Variants in CRPPA observed in about 807,000 individuals in gnomAD.
CRPPA encodes D-ribitol-5-phosphate cytidylyltransferase.
A neutral mutation model predicts 52.0 loss-of-function variants in CRPPA; 43 were observed. The ratio of observed to expected loss-of-function variants is 0.83; its 90% CI spans 0.65 to 1.07. CRPPA has a LOEUF of 1.07. Ranked by LOEUF, CRPPA falls within the 50% of genes least tolerant of loss-of-function variation. The pLI, the probability that CRPPA is intolerant of heterozygous loss-of-function variation, is 0.00. For missense variants in CRPPA, 629 were observed against 551.7 expected (o/e 1.14, Z -1.40); for synonymous variants, 250 against 203.5 (o/e 1.23, Z -1.94).
chr7:16,146,895 G>T (rs961507342), intron 9 of CRPPA, among the ~76,000 whole-genome samples: 1 of 152,172 alleles, frequency 6.6e-6, no homozygotes, highest in Non-Finnish European at 1.5e-5. Context: ...ACAAATTGCA[G>T]TAGTAAGTTC....
chr7:16,286,097 A>AAAAAAAAT lies in CRPPA; in HGVS notation c.836-7872_836-7871insATTTTTTT. On this transcript the variant is annotated intron_variant, in intron 5 of 9. Coordinates refer to ENST00000407010, the MANE Select transcript of CRPPA (RefSeq NM_001101426.4). ...TATATATATAATATTTAAAAAAAAA[A>AAAAAAAAT]ATATATATATATATATATATGCCAA... is the stretch of plus-strand genomic sequence containing the variant. Among the ~76,000 whole-genome samples the AAAAAAAAT allele has an allele frequency of 1.5e-4, 6 of 39,130 alleles. 1 individual carries two copies. Among genetic ancestry groups the AAAAAAAAT allele is most frequent in the African/African-American group, 9.2e-4 (5 of 5,444 alleles). The allele number at this position is 39,130 out of a possible 152,430, so 25.7% of individuals were successfully genotyped here. A position where few individuals can be genotyped will look rare whatever the true frequency, so the allele number is the denominator to read the frequency against.
chr7:16,233,689 C>T (rs910121786), intron 8 of CRPPA, among the ~76,000 whole-genome samples: 1 of 152,130 alleles, frequency 6.6e-6, no homozygotes. Flanking sequence ...AGCAAGGGAG[C>T]ATCTGTTTGG....
intron 9 of CRPPA, among the ~76,000 whole-genome samples, chr7:16,099,830 A>C (rs574652563): frequency 1.3e-5 from 2 of 152,334 alleles, no homozygotes; most frequent in South Asian, 2.1e-4. Flanking sequence ...GTCATATACA[A>C]CATCCTTTTT....
intron 9 of CRPPA, among the ~76,000 whole-genome samples, chr7:16,167,819 T>C (rs1370124931): frequency 6.6e-6 from 1 of 152,260 alleles, no homozygotes; most frequent in Non-Finnish European, 1.5e-5. Context: ...TATCAATCTA[T>C]TCTTAACGAA....
At chr7:16,194,267 A>C (rs1424168312) in intron 9 of CRPPA, among the ~76,000 whole-genome samples, 1 of 152,152 alleles carries the variant, frequency 6.6e-6, no homozygotes, top group Non-Finnish European at 1.5e-5. Flanking sequence ...TAGAACACTG[A>C]AAGATAAGGT....
At chr7:16,190,093 A>G (rs1781577386) in intron 9 of CRPPA, among the ~76,000 whole-genome samples, 1 of 152,148 alleles carries the variant, frequency 6.6e-6, no homozygotes, top group Non-Finnish European at 1.5e-5. Context: ...CAAACACAAA[A>G]GGCTACACTT....
chr7:16,226,860 G>C (rs369382552), intron 8 of CRPPA, among the ~76,000 whole-genome samples: 2 of 151,808 alleles, frequency 1.3e-5, no homozygotes, highest in African/African-American at 4.8e-5. Flanking sequence ...ATTAATTGTA[G>C]TCAGACTGTA....
chr7:16,301,698 T>C (rs577894264), intron 4 of CRPPA, among the ~76,000 whole-genome samples: 1 of 152,356 alleles, frequency 6.6e-6, no homozygotes, highest in South Asian at 2.1e-4. Context: ...TGGCAGTTGT[T>C]ACCGAAATCT....
Position 16,168,220 on chromosome 7 carries a change from A to G in CRPPA, c.1251+47846T>C, listed in dbSNP as rs143533253. Among the ~76,000 whole-genome samples, 1,407 of 152,318 alleles carry G rather than the reference A, an allele frequency of 9.2e-3. 13 individuals carry two copies. Among genetic ancestry groups the G allele is most frequent in the Non-Finnish European group, 0.012 (783 of 68,016 alleles). Reference sequence around the variant, plus strand: ...CTTTGTGTGAACTGGCTAAATAGATAATTCATGTTCATTGCCAAGTTAGTT... The same window carrying G: ...CTTTGTGTGAACTGGCTAAATAGATGATTCATGTTCATTGCCAAGTTAGTT... On this transcript the variant is annotated intron_variant, in intron 9 of 9. Coordinates refer to ENST00000407010, the MANE Select transcript of CRPPA (RefSeq NM_001101426.4).
At chr7:16,157,335 T>C (rs148947369) in intron 9 of CRPPA, among the ~76,000 whole-genome samples, 2,504 of 152,192 alleles carry the variant, frequency 0.016, 27 homozygotes, top group Non-Finnish European at 0.024. Context: ...AAGGTTCTCA[T>C]ATGGAAACAA....
intron 6 of CRPPA, among the ~76,000 whole-genome samples, chr7:16,272,956 CTTTTT>C (rs11360688): frequency 2.7e-5 from 4 of 147,460 alleles, no homozygotes; most frequent in African/African-American, 1.0e-4. Flanking sequence ...TCCTTTGTCG[CTTTTT>C]TTTTTATTTT....
intron 8 of CRPPA, among the ~76,000 whole-genome samples, chr7:16,235,124 G>A (rs1782911672): frequency 1.3e-5 from 2 of 152,034 alleles, no homozygotes; most frequent in African/African-American, 4.8e-5. Flanking sequence ...GAGTAACTTG[G>A]TAAATTTATA....
intron 8 of CRPPA, among the ~76,000 whole-genome samples, chr7:16,233,719 G>A (rs928158457): frequency 6.6e-6 from 1 of 152,066 alleles, no homozygotes; most frequent in Non-Finnish European, 1.5e-5. Flanking sequence ...TCATAATCGG[G>A]TACAATCGTA....
rs184207552 is a variant in CRPPA, at chr7:16,364,689, C to T, written c.684+11403G>A. On this transcript the variant is annotated intron_variant, in intron 3 of 9. Coordinates refer to ENST00000407010, the MANE Select transcript of CRPPA (RefSeq NM_001101426.4). ...TGTGGCCTAAGCACCACAAAACATC[C>T]AGATTTAAAGCATGAATTCTCTTGG... 2.6e-5 allele frequency among the ~76,000 whole-genome samples: 4 copies of T among 152,242 alleles called. No homozygotes were observed. In the East Asian group the frequency reaches 7.7e-4, roughly 29 times the overall value.
chr7:16,114,828 C>T (rs1782337180), intron 9 of CRPPA, among the ~76,000 whole-genome samples: 1 of 151,966 alleles, frequency 6.6e-6, no homozygotes, highest in Non-Finnish European at 1.5e-5. Flanking sequence ...CAGAAGAGAG[C>T]AGCATTGAAT....
At chr7:16,125,363 C>A (rs1562516513) in intron 9 of CRPPA, among the ~76,000 whole-genome samples, 1 of 151,882 alleles carries the variant, frequency 6.6e-6, no homozygotes, top group South Asian at 2.1e-4. Context: ...CCTTGCCCCC[C>A]AGTCATAAAC....
chr7:16,186,683 C>A (rs1781510457), intron 9 of CRPPA, among the ~76,000 whole-genome samples: 1 of 152,104 alleles, frequency 6.6e-6, no homozygotes. Context: ...GAAGTCTTAG[C>A]CTCAGGATAT....
intron 8 of CRPPA, among the ~76,000 whole-genome samples, chr7:16,245,847 A>G (rs1327930068): frequency 6.6e-6 from 1 of 152,172 alleles, no homozygotes; most frequent in Non-Finnish European, 1.5e-5. Flanking sequence ...CCAAACAATA[A>G]TATACATATC....
At position 16,319,282 on chromosome 7, in the gene CRPPA, T is replaced by A. The variant is rs191966986; in HGVS notation, c.685-10655A>T. Among the ~76,000 whole-genome samples the A allele has an allele frequency of 2.6e-5, 4 of 152,294 alleles. No homozygotes were observed. In the East Asian group the frequency reaches 7.7e-4, roughly 29 times the overall value. On this transcript the variant is annotated intron_variant, in intron 3 of 9. Transcript: ENST00000407010. ...ACTCTCAAGATGTTCAGACACAAGG[T>A]ATTGCACCAATTTTATATTCCTGAA...
Sources: gnomAD v4.1 joint callset for allele counts (sites outside exome capture counted in the v4.1 genomes callset) on GRCh38, gnomAD v4.1.1 for gene constraint, MANE v1.5 for transcripts, NCBI Gene and HGNC (gene_info 2026-07-23, HGNC 2026-07-21) for gene names.